FREM1: variants seen among roughly 807,000 people sequenced by gnomAD.
The protein encoded by FREM1 is FRAS1 related extracellular matrix 1, also known as FRAS1-related extracellular matrix protein 1.
Under a neutral mutation model 210.1 loss-of-function variants are expected in FREM1, and 220 were observed. The observed-to-expected ratio is 1.05, with a 90% CI of 0.94 to 1.17. The LOEUF (loss-of-function observed/expected upper bound fraction) is 1.17. FREM1 is among the 50% of genes most tolerant of loss of function. The pLI, the probability that FREM1 is intolerant of heterozygous loss-of-function variation, is 0.00. For missense variants in FREM1, 3,454 were observed against 2,675.5 expected, an observed-to-expected ratio of 1.29 and a Z score of -6.42; for synonymous variants, 1,189 against 980.2, an observed-to-expected ratio of 1.21 and a Z score of -3.98.
chr9:14,786,426 T>A (rs992359217), intron 23 of FREM1, among the ~76,000 whole-genome samples: 2 of 152,190 alleles, frequency 1.3e-5, no homozygotes, highest in Non-Finnish European at 2.9e-5. Context: ...AAAATTTTTT[T>A]AAAGATATTC....
chr9:14,794,934 C>T (rs1852083508), intron 21 of FREM1, among the ~76,000 whole-genome samples: 1 of 147,954 alleles, frequency 6.8e-6, no homozygotes, highest in Non-Finnish European at 1.5e-5. Flanking sequence ...GGAGACAGAG[C>T]TTGCAGTGAA....
At chr9:14,843,449 C>T (rs1017717145) in intron 8 of FREM1, among the ~76,000 whole-genome samples, 1 of 152,150 alleles carries the variant, frequency 6.6e-6, no homozygotes, top group Non-Finnish European at 1.5e-5. Context: ...TCTCAGCCTC[C>T]GCAATTACAT....
intron 21 of FREM1, among the ~76,000 whole-genome samples, chr9:14,795,054 T>C (rs562860852): frequency 1.3e-4 from 20 of 149,956 alleles, no homozygotes; most frequent in Non-Finnish European, 2.5e-4. Context: ...AAAGTGGAGA[T>C]TGGAGAAAGT....
intron 34 of FREM1, among the ~76,000 whole-genome samples, chr9:14,746,685 ACT>A (rs1842499459): frequency 6.6e-6 from 1 of 152,192 alleles, no homozygotes; most frequent in Non-Finnish European, 1.5e-5. Context: ...CAACTTTGAC[ACT>A]CTGATAACTG....
intron 30 of FREM1, 128 bp from the exon 31 acceptor site, chr9:14,748,767 T>C (rs186897245): frequency 1.3e-4 from 81 of 644,014 alleles, no homozygotes; most frequent in African/African-American, 9.0e-4. Flanking sequence ...AGATGTTGCC[T>C]TTTTGCCATT....
At chr9:14,827,609 G>A (rs964946428) in intron 10 of FREM1, among the ~76,000 whole-genome samples, 1 of 152,190 alleles carries the variant, frequency 6.6e-6, no homozygotes, top group Non-Finnish European at 1.5e-5. Flanking sequence ...CACAAAAGGT[G>A]TGACCAAGTG....
chr9:14,855,941 A>G (rs190706626), intron 5 of FREM1, among the ~76,000 whole-genome samples: 9 of 152,296 alleles, frequency 5.9e-5, no homozygotes, highest in African/African-American at 1.2e-4. Flanking sequence ...AAACAAACAG[A>G]AAACATCTAT....
Position 14,750,121 on chromosome 9 carries a change from G to C in FREM1, c.5557+6C>G. ...CCTGATTTCAAGATGAGGATCAAAA[G>C]AATACCTCCTTTTGAGTCCAAAATT... On this transcript the variant is annotated splice_donor_region_variant and intron_variant, in intron 30 of 36. Coordinates refer to ENST00000380880, the MANE Select transcript of FREM1 (RefSeq NM_001379081.2). 6.2e-7 allele frequency: 1 copy of C among 1,613,534 alleles called. No homozygotes were observed.
Position 14,747,120 on chromosome 9 carries a change from C to T in FREM1, c.6010-69G>A. 4 of 1,603,070 alleles carry T rather than the reference C, an allele frequency of 2.5e-6. No homozygotes were observed. In the South Asian group the frequency reaches 3.3e-5, roughly 13 times the overall value. On this transcript the variant is annotated intron_variant, in intron 33 of 36. Coordinates refer to ENST00000380880, the MANE Select transcript of FREM1 (RefSeq NM_001379081.2). ...GGAAAGTTGCTCACACATTCACCTCCTTTGGGTCTTCATTTGTTGGGAAGC... is the reference window on the plus strand; with the variant it reads ...GGAAAGTTGCTCACACATTCACCTCTTTTGGGTCTTCATTTGTTGGGAAGC...
chr9:14,858,186 C>A (rs563512968), intron 4 of FREM1, among the ~76,000 whole-genome samples: 5 of 152,138 alleles, frequency 3.3e-5, no homozygotes, highest in Non-Finnish European at 5.9e-5. Context: ...TCAAATCCTG[C>A]GTATCCTTCC....
In FREM1 at chr9:14,769,733, G is replaced by T. The variant is rs912507803; in HGVS notation, c.5195C>A (p.Thr1732Asn). 3 of 1,612,212 alleles carry T rather than the reference G, an allele frequency of 1.9e-6. No individual in the cohort carries two copies. Among genetic ancestry groups the T allele is most frequent in the Non-Finnish European group, 2.5e-6 (3 of 1,178,878 alleles). Residue 1732 changes from threonine (T) to asparagine (N), a missense_variant, in exon 27 of 37, where the codon ACT (threonine) becomes AAT (asparagine). Thr to Asn is a moderately conservative substitution (Grantham distance 65). Coordinates refer to ENST00000380880, the MANE Select transcript of FREM1 (RefSeq NM_001379081.2). ...AAGCAAGAGAATTTACATTTGAGGA[G>T]TGGCCGAGTTCCCTGTGGGGTCCAT... is the stretch of plus-strand genomic sequence containing the variant. ...QIMDPTGNSA[T>N]PQILELKWSH...
chr9:14,780,413 T>C (rs573058821), intron 24 of FREM1, among the ~76,000 whole-genome samples: 1 of 99,514 alleles, frequency 1.0e-5, no homozygotes, highest in South Asian at 3.3e-4. Context: ...AATGGAATCA[T>C]AAATAGCGCC....
intron 1 of FREM1, among the ~76,000 whole-genome samples, chr9:14,902,040 C>G (rs114555050): frequency 0.011 from 1,631 of 150,552 alleles, 33 homozygotes; most frequent in African/African-American, 0.038. Flanking sequence ...GAGATCAGAT[C>G]TCACTATGTT....
intron 2 of FREM1, among the ~76,000 whole-genome samples, chr9:14,864,389 C>T (rs1375455824): frequency 6.6e-6 from 1 of 151,918 alleles, no homozygotes; most frequent in Non-Finnish European, 1.5e-5. Context: ...GAATAGTATT[C>T]TCATATTCAA....
At chr9:14,872,590 G>C (rs985272417) in intron 1 of FREM1, among the ~76,000 whole-genome samples, 1 of 152,016 alleles carries the variant, frequency 6.6e-6, no homozygotes, top group African/African-American at 2.4e-5. Flanking sequence ...GGGTTTTCTA[G>C]ATATACAATC....
intron 14 of FREM1, 21 bp from the exon 15 acceptor site, chr9:14,816,892 A>G: frequency 9.9e-7 from 1 of 1,005,678 alleles, no homozygotes; most frequent in Non-Finnish European, 1.4e-6. Flanking sequence ...AATATTTGTC[A>G]CCAACCTCTT....
In FREM1 at chr9:14,842,542, G is replaced by A. The variant is rs61735720; in HGVS notation, c.1512C>T (p.His504=). Residue 504 remains histidine, a synonymous_variant, in exon 9 of 37, where the codon CAC becomes CAT. Coordinates refer to ENST00000380880, the MANE Select transcript of FREM1 (RefSeq NM_001379081.2). ...TGATGGGGAATTTGTGACGGATGCT[G>A]TGATGGCCATCAAATATCCGGAAGA... ...FVVFRIFDGH[H]SIRHKFPINV... 4,600 of 1,613,880 alleles carry A rather than the reference G, an allele frequency of 2.9e-3. 120 individuals are homozygous for A. In the African/African-American group the frequency reaches 0.054, roughly 19 times the overall value.
At chr9:14,831,950 C>G (rs1823642735) in intron 10 of FREM1, among the ~76,000 whole-genome samples, 1 of 152,224 alleles carries the variant, frequency 6.6e-6, no homozygotes, top group South Asian at 2.1e-4. Flanking sequence ...ACGCCCTCTA[C>G]TGTTTTCATC....
rs1818456521 is a variant in FREM1, at chr9:14,909,996, C to G, written c.-350G>C. On this transcript the variant is annotated 5_prime_UTR_variant, in exon 1 of 37. Transcript: ENST00000380880. ...GGATAAGAGTCACTGACACAGCAAT[C>G]TGGTTTAAAGGGCTTTGAGAGGAAG... The G allele has an allele frequency of 6.6e-6, 1 of 152,210 alleles. No homozygotes were observed. Among genetic ancestry groups the G allele is most frequent in the East Asian group, 1.9e-4 (1 of 5,192 alleles). 9.4% of individuals were successfully genotyped at this position (152,210 alleles called of 1,614,324 possible).
Sources: gnomAD v4.1 joint callset for allele counts (sites outside exome capture counted in the v4.1 genomes callset) on GRCh38, gnomAD v4.1.1 for gene constraint, MANE v1.5 for transcripts, NCBI Gene and HGNC (gene_info 2026-07-23, HGNC 2026-07-21) for gene names.